ADAM19: variants seen among roughly 807,000 people sequenced by gnomAD.
The protein encoded by ADAM19 is ADAM metallopeptidase domain 19.
ADAM19 carries 65 observed loss-of-function variants against 114.7 expected under a neutral mutation model. The observed-to-expected ratio is 0.57, with a 90% CI of 0.46 to 0.70. The LOEUF (loss-of-function observed/expected upper bound fraction) is 0.70. Ranked by LOEUF, ADAM19 falls within the 30% of genes least tolerant of loss-of-function variation. The probability of loss-of-function intolerance (pLI) is 0.00; values close to 1 mark genes in which losing one functional copy is unlikely to be tolerated. For missense variants in ADAM19, 1,063 were observed against 1,204.7 expected, an observed-to-expected ratio of 0.88 and a Z score of 1.74; for synonymous variants, 466 against 460.5, an observed-to-expected ratio of 1.01 and a Z score of -0.15.
At chr5:157,486,547 G>A (rs999772223) in intron 21 of ADAM19, among the ~76,000 whole-genome samples, 2 of 152,116 alleles carry the variant, frequency 1.3e-5, no homozygotes, top group African/African-American at 4.8e-5. Context: ...GGTCCCCGCT[G>A]TCCCTGACAC....
intron 19 of ADAM19, 139 bp downstream of exon 19, chr5:157,490,171 G>A (rs1447812723): frequency 7.9e-6 from 7 of 883,660 alleles, no homozygotes; most frequent in Non-Finnish European, 1.1e-5. Context: ...AGTCATAGCA[G>A]GGGAGAGGGC....
chr5:157,543,529 T>G (rs1256321069), intron 3 of ADAM19, among the ~76,000 whole-genome samples: 2 of 152,194 alleles, frequency 1.3e-5, no homozygotes, highest in Non-Finnish European at 2.9e-5. Flanking sequence ...AGGAAGATCA[T>G]ATGAACAAAT....
At chr5:157,572,211 G>C (rs984804682) in intron 1 of ADAM19, 2 of 441,398 alleles carry the variant, frequency 4.5e-6, no homozygotes, top group Non-Finnish European at 4.5e-6. Flanking sequence ...TCAGCCTCCC[G>C]AGTAGCTGGG....
At chr5:157,527,662 G>A (rs1391538931) in intron 5 of ADAM19, among the ~76,000 whole-genome samples, 1 of 152,002 alleles carries the variant, frequency 6.6e-6, no homozygotes, top group Non-Finnish European at 1.5e-5. Flanking sequence ...ATTTGGGTGG[G>A]GACACAGAGC....
chr5:157,502,760 T>A, intron 12 of ADAM19, 43 bp downstream of exon 12: 1 of 1,596,598 alleles, frequency 6.3e-7, no homozygotes, highest in Non-Finnish European at 8.6e-7. Flanking sequence ...TTGAAACCAA[T>A]GCAAATTCTT....
intron 2 of ADAM19, chr5:157,568,017 C>G (rs1165752390): frequency 6.6e-6 from 1 of 151,792 alleles, no homozygotes; most frequent in East Asian, 1.9e-4. Flanking sequence ...GCTCTGTCAC[C>G]CAGGCTGCAG....
intron 4 of ADAM19, among the ~76,000 whole-genome samples, chr5:157,533,355 G>T (rs1452139651): frequency 6.6e-6 from 1 of 152,200 alleles, no homozygotes; most frequent in African/African-American, 2.4e-5. Flanking sequence ...AGTGTGCTGT[G>T]ATTATGAAAG....
chr5:157,538,417 T>C (rs1327580971), intron 3 of ADAM19, among the ~76,000 whole-genome samples: 1 of 152,210 alleles, frequency 6.6e-6, no homozygotes, highest in African/African-American at 2.4e-5. Context: ...GAATAACTCT[T>C]CCCTGATGCA....
Position 157,526,641 on chromosome 5 carries a change from G to A in ADAM19, c.407+4166C>T, listed in dbSNP as rs571862753. 1.2e-4 allele frequency among the ~76,000 whole-genome samples: 18 copies of A among 147,822 alleles called. No homozygotes were observed. The South Asian group carries it at 3.4e-3, about 28-fold the overall frequency. On this transcript the variant is annotated intron_variant, in intron 5 of 22. Coordinates refer to ENST00000257527, the MANE Select transcript of ADAM19 (RefSeq NM_033274.5). ...TTGGTGTCATTTTTTTTTTTTTTGA[G>A]ATGGGGTCTTGCTTTGTCGCCCAAG...
chr5:157,529,322 A>C (rs1581331691), intron 5 of ADAM19, among the ~76,000 whole-genome samples: 2 of 69,120 alleles, frequency 2.9e-5, no homozygotes, highest in South Asian at 4.7e-4. Context: ...ATCCTTCTTC[A>C]AAAAAAAAAA....
At chr5:157,512,158 T>TC (rs1755941237) in intron 8 of ADAM19, among the ~76,000 whole-genome samples, 1 of 152,218 alleles carries the variant, frequency 6.6e-6, no homozygotes, top group Non-Finnish European at 1.5e-5. Context: ...AGGACTGGAC[T>TC]GTGTCCCTAG....
rs557428482 is a variant in ADAM19 at position 157,535,998 on chromosome 5, G to A, written c.330+1915C>T. 4.6e-5 allele frequency among the ~76,000 whole-genome samples: 7 copies of A among 152,312 alleles called. No individual in the cohort carries two copies. In the South Asian group the frequency reaches 1.4e-3, roughly 32 times the overall value. ...GAAGAGAGGAAAAGTTTTGACCAAGGGGCATTGAAGAATATGAAGTCACAA... is the reference window on the plus strand; with the variant it reads ...GAAGAGAGGAAAAGTTTTGACCAAGAGGCATTGAAGAATATGAAGTCACAA... On this transcript the variant is annotated intron_variant, in intron 4 of 22. Transcript: ENST00000257527.
rs1754667206 is a variant in ADAM19 at position 157,478,772 on chromosome 5, C to A, written c.*2177G>T. ...GTGATATGAAAATAATAAAACAAAA[C>A]AAAACAAAAAGCAAGAAAACGACAA... On this transcript the variant is annotated 3_prime_UTR_variant, in exon 23 of 23. Transcript: ENST00000257527. The A allele has an allele frequency of 2.0e-6, 2 of 985,786 alleles. No homozygotes were observed. The highest frequency in any genetic ancestry group is 1.2e-6 in the Non-Finnish European group (1 of 829,920). 61.1% of individuals were successfully genotyped at this position (985,786 alleles called of 1,614,324 possible).
rs1206892647 is a variant in ADAM19 at position 157,575,541 on chromosome 5, G to T, written c.94+62C>A. 3 of 1,275,244 alleles carry T rather than the reference G, an allele frequency of 2.4e-6. No individual in the cohort carries two copies. The Admixed American group carries it at 1.0e-4, about 44-fold the overall frequency. The allele number at this position is 1,275,244 out of a possible 1,614,324, so 79.0% of individuals were successfully genotyped here. ...GTCGCGGTCCCAGCGCTCCGGACCC[G>T]CAAGGCTACTCCCAGGTCTCCGGGC... On this transcript the variant is annotated intron_variant, in intron 1 of 22. Coordinates refer to ENST00000257527, the MANE Select transcript of ADAM19 (RefSeq NM_033274.5).
intron 21 of ADAM19, among the ~76,000 whole-genome samples, chr5:157,485,040 A>G (rs1372752981): frequency 2.0e-5 from 3 of 152,220 alleles, no homozygotes; most frequent in African/African-American, 7.2e-5. Flanking sequence ...ACTCTGGCCC[A>G]TGCTCCCTTC....
chr5:157,523,314 A>G (rs1037076441), intron 5 of ADAM19, among the ~76,000 whole-genome samples: 1 of 152,162 alleles, frequency 6.6e-6, no homozygotes, highest in African/African-American at 2.4e-5. Context: ...AAACATAGGT[A>G]TCCAGGTCTG....
chr5:157,520,443 T>A (rs1372346922), intron 5 of ADAM19, among the ~76,000 whole-genome samples: 2 of 152,208 alleles, frequency 1.3e-5, no homozygotes, highest in South Asian at 4.1e-4. Context: ...AACCAAAACA[T>A]GGCATATGAC....
chr5:157,519,666 C>G (rs1756214410), intron 6 of ADAM19, among the ~76,000 whole-genome samples, 173 bp downstream of exon 6: 1 of 152,204 alleles, frequency 6.6e-6, no homozygotes, highest in South Asian at 2.1e-4. Context: ...AGCAGTTATT[C>G]TATGATGAGG....
chr5:157,505,630 C>T lies in ADAM19; in HGVS notation c.1130+39G>A, dbSNP rs758850201. The T allele has an allele frequency of 7.5e-6, 12 of 1,607,908 alleles. No homozygotes were observed. In the South Asian group the frequency reaches 1.1e-4, roughly 15 times the overall value. Reference sequence around the variant, plus strand: ...CTGGGTCACACTGTCCAGGTGTGCCCGCCCTCCTCCCCATCCTCCCTCTTG... The same window carrying T: ...CTGGGTCACACTGTCCAGGTGTGCCTGCCCTCCTCCCCATCCTCCCTCTTG... On this transcript the variant is annotated intron_variant, in intron 11 of 22. Transcript: ENST00000257527.
Sources: gnomAD v4.1 joint callset for allele counts (sites outside exome capture counted in the v4.1 genomes callset) on GRCh38, gnomAD v4.1.1 for gene constraint, MANE v1.5 for transcripts, NCBI Gene and HGNC (gene_info 2026-07-23, HGNC 2026-07-21) for gene names.